RPTOR: variants seen among roughly 807,000 people sequenced by gnomAD.
RPTOR encodes the protein regulatory associated protein of MTOR complex 1.
A neutral mutation model predicts 169.9 loss-of-function variants in RPTOR; 21 were observed. The ratio of observed to expected loss-of-function variants is 0.12; its 90% CI spans 0.09 to 0.18. RPTOR has a LOEUF of 0.18. RPTOR is among the 10% of genes least tolerant of loss of function. RPTOR has a pLI of 1.00. For missense variants in RPTOR, 1,133 were observed against 1,855.9 expected, an observed-to-expected ratio of 0.61 and a Z score of 7.16; for synonymous variants, 732 against 753.2, an observed-to-expected ratio of 0.97 and a Z score of 0.46.
At chr17:80,830,950 G>C (rs2067497224) in intron 9 of RPTOR, among the ~76,000 whole-genome samples, 1 of 152,024 alleles carries the variant, frequency 6.6e-6, no homozygotes, top group South Asian at 2.1e-4. Context: ...TCACCAGGTT[G>C]CTCAGGCTGG....
intron 7 of RPTOR, among the ~76,000 whole-genome samples, chr17:80,806,275 T>C (rs1208241086): frequency 6.6e-6 from 1 of 152,210 alleles, no homozygotes; most frequent in East Asian, 1.9e-4. Flanking sequence ...TCAATGTTTT[T>C]CAAAGTTCAA....
chr17:80,832,299 T>C (rs549112840), intron 9 of RPTOR, among the ~76,000 whole-genome samples: 1 of 152,312 alleles, frequency 6.6e-6, no homozygotes, highest in South Asian at 2.1e-4. Flanking sequence ...TCTTGGAGGC[T>C]TCCATCCCCC....
intron 14 of RPTOR, among the ~76,000 whole-genome samples, chr17:80,880,880 C>T (rs2068179595): frequency 6.6e-6 from 1 of 151,906 alleles, no homozygotes; most frequent in African/African-American, 2.4e-5. Context: ...GGTCTTGGAG[C>T]ACAAGAAGAT....
At chr17:80,565,160 A>T (rs1286490009) in intron 1 of RPTOR, among the ~76,000 whole-genome samples, 2 of 152,160 alleles carry the variant, frequency 1.3e-5, no homozygotes, top group African/African-American at 4.8e-5. Context: ...GCTTGCCAAT[A>T]CCTGGAACGC....
chr17:80,612,355 T>C (rs2065277651), intron 1 of RPTOR, among the ~76,000 whole-genome samples: 1 of 152,212 alleles, frequency 6.6e-6, no homozygotes, highest in Non-Finnish European at 1.5e-5. Flanking sequence ...GGTCTTGAAC[T>C]TTTGAGCTCA....
At chr17:80,953,567 C>T (rs1462497094) in intron 28 of RPTOR, among the ~76,000 whole-genome samples, 2 of 152,276 alleles carry the variant, frequency 1.3e-5, no homozygotes, top group South Asian at 2.1e-4. Flanking sequence ...TCCGGATGGC[C>T]GTGCCTCCAG....
chr17:80,919,392 C>T (rs2068717929), intron 21 of RPTOR, among the ~76,000 whole-genome samples: 2 of 152,132 alleles, frequency 1.3e-5, no homozygotes, highest in African/African-American at 4.8e-5. Flanking sequence ...GAATCCAGAT[C>T]CTCGATATAA....
At chr17:80,905,690 A>T (rs1437260633) in intron 20 of RPTOR, among the ~76,000 whole-genome samples, 1 of 151,836 alleles carries the variant, frequency 6.6e-6, no homozygotes. Context: ...CCTTACCTGG[A>T]GTGTCCTGTG....
chr17:80,908,489 T>C (rs1342566787), intron 20 of RPTOR, among the ~76,000 whole-genome samples: 1 of 152,188 alleles, frequency 6.6e-6, no homozygotes, highest in Non-Finnish European at 1.5e-5. Flanking sequence ...GGATGTGACA[T>C]CAGACGCTCC....
chr17:80,795,141 G>A (rs978360485), intron 7 of RPTOR, among the ~76,000 whole-genome samples: 1 of 152,192 alleles, frequency 6.6e-6, no homozygotes, highest in South Asian at 2.1e-4. Flanking sequence ...GCTGGCCACC[G>A]CTGCGGACAA....
intron 6 of RPTOR, among the ~76,000 whole-genome samples, chr17:80,761,785 C>T (rs2066738961): frequency 6.6e-6 from 1 of 152,222 alleles, no homozygotes; most frequent in Non-Finnish European, 1.5e-5. Context: ...CGCTTCCTTT[C>T]AACAACAGTC....
Position 80,708,325 on chromosome 17 carries a change from T to A in RPTOR, c.507+326T>A, listed in dbSNP as rs1462106077. Among the ~76,000 whole-genome samples, 1 of 152,208 alleles carries A rather than the reference T, an allele frequency of 6.6e-6. No individual in the cohort carries two copies. The highest frequency in any genetic ancestry group is 1.5e-5 in the Non-Finnish European group (1 of 68,036). ...TCTAGTTTGAAAAAATTGCACAATT[T>A]CTCAATTTCGTTAGAATCTTTCTTT... On this transcript the variant is annotated intron_variant, in intron 4 of 33. Transcript: ENST00000306801. This position sits in a 1 kb window ranked among gnomAD's most constrained non-coding sequence, Gnocchi z 4.2.
intron 3 of RPTOR, among the ~76,000 whole-genome samples, chr17:80,699,160 A>G (rs2066061778): frequency 6.6e-6 from 1 of 152,264 alleles, no homozygotes; most frequent in Non-Finnish European, 1.5e-5. Context: ...AGCTCTTGAT[A>G]AAACAGCTTT....
At chr17:80,607,284 G>A (rs1303498004) in intron 1 of RPTOR, among the ~76,000 whole-genome samples, 3 of 152,180 alleles carry the variant, frequency 2.0e-5, no homozygotes, top group Non-Finnish European at 4.4e-5. Context: ...CTCTGTAGCT[G>A]TTGGCAGTAC....
intron 1 of RPTOR, among the ~76,000 whole-genome samples, chr17:80,589,774 C>G (rs1215013573): frequency 6.6e-6 from 1 of 152,014 alleles, no homozygotes; most frequent in African/African-American, 2.4e-5. Context: ...TGATTTGTAT[C>G]CAGCAACCTT....
intron 1 of RPTOR, among the ~76,000 whole-genome samples, chr17:80,572,823 A>G (rs919175585): frequency 6.6e-6 from 1 of 152,192 alleles, no homozygotes; most frequent in African/African-American, 2.4e-5. Flanking sequence ...CCATTTTAAT[A>G]TGGTCTGATA....
At chr17:80,642,060 T>A (rs574014015) in intron 2 of RPTOR, among the ~76,000 whole-genome samples, 1 of 152,302 alleles carries the variant, frequency 6.6e-6, no homozygotes, top group African/African-American at 2.4e-5. Flanking sequence ...CTGATAAAAT[T>A]TGAGATTTCA....
In RPTOR at chr17:80,820,151, A is replaced by G. The variant is rs1295340579; in HGVS notation, c.891-2050A>G. On this transcript the variant is annotated intron_variant, in intron 7 of 33. Transcript: ENST00000306801. The surrounding 1 kb of genome is among the most constrained non-coding windows in gnomAD (Gnocchi z 4.1). ...TATGTGTTTACTGATCCTAGGCCAC[A>G]GAGCTTCGGCGTGTGGTCTGGGCGC... Among the ~76,000 whole-genome samples the G allele has an allele frequency of 6.6e-6, 1 of 152,194 alleles. No homozygotes were observed. Among genetic ancestry groups the G allele is most frequent in the Non-Finnish European group, 1.5e-5 (1 of 68,028 alleles).
chr17:80,800,852 T>C (rs2067149839), intron 7 of RPTOR, among the ~76,000 whole-genome samples: 1 of 152,246 alleles, frequency 6.6e-6, no homozygotes, highest in South Asian at 2.1e-4. Context: ...GCTCAAAGCG[T>C]ACCCAGAACT....
Sources: allele counts gnomAD v4.1 joint callset (sites outside exome capture counted in the v4.1 genomes callset), GRCh38; gene constraint gnomAD v4.1.1; non-coding constraint Gnocchi (gnomAD v3.1); transcripts MANE v1.5; gene names NCBI Gene and HGNC (gene_info 2026-07-23, HGNC 2026-07-21).